Variants in SYN3 observed in about 807,000 individuals in gnomAD.
SYN3 encodes synapsin III.
A neutral mutation model predicts 65.8 loss-of-function variants in SYN3; 35 were observed. That is an observed-to-expected ratio of 0.53 (90% CI 0.41 to 0.70). The LOEUF is 0.70. Ranked by LOEUF, SYN3 falls within the 30% of genes least tolerant of loss-of-function variation. The pLI, the probability that SYN3 is intolerant of heterozygous loss-of-function variation, is 0.00. For missense variants in SYN3, 680 were observed against 749.0 expected, an observed-to-expected ratio of 0.91 and a Z score of 1.08; for synonymous variants, 270 against 292.9, an observed-to-expected ratio of 0.92 and a Z score of 0.80.
At chr22:32,545,581 C>T (rs562787104) in intron 7 of SYN3, among the ~76,000 whole-genome samples, 1 of 152,022 alleles carries the variant, frequency 6.6e-6, no homozygotes, top group Non-Finnish European at 1.5e-5. Flanking sequence ...TTTTTTGAGA[C>T]AGTCTCACTT....
rs550581244 is a variant in SYN3 at position 32,814,052 on chromosome 22, T to C, written c.711+50863A>G. On this transcript the variant is annotated intron_variant, in intron 6 of 13. Coordinates refer to ENST00000358763, the MANE Select transcript of SYN3 (RefSeq NM_003490.4). ...TAGTAGGCATTCAATAAAAGTATCA[T>C]GAATGAATAAGAACATTTGAGAAAG... Among the ~76,000 whole-genome samples, 3 of 149,630 alleles carry C rather than the reference T, an allele frequency of 2.0e-5. No homozygotes were observed. In the South Asian group the frequency reaches 6.3e-4, roughly 31 times the overall value.
At chr22:32,703,704 G>C (rs1315412268) in intron 6 of SYN3, among the ~76,000 whole-genome samples, 1 of 151,078 alleles carries the variant, frequency 6.6e-6, no homozygotes, top group Non-Finnish European at 1.5e-5. Context: ...AGGGGAAAAA[G>C]AGAAGAAAAC....
At chr22:32,741,758 G>A (rs1311129112) in intron 6 of SYN3, among the ~76,000 whole-genome samples, 1 of 152,048 alleles carries the variant, frequency 6.6e-6, no homozygotes, top group Non-Finnish European at 1.5e-5. Flanking sequence ...CGAAATTAGT[G>A]GGAGACAGTG....
At position 32,734,715 on chromosome 22, in the gene SYN3, T is replaced by C. The variant is rs142126119; in HGVS notation, c.711+130200A>G. Among the ~76,000 whole-genome samples, 587 of 152,274 alleles carry C rather than the reference T, an allele frequency of 3.9e-3. 2 individuals are homozygous for C. The highest frequency in any genetic ancestry group is 6.8e-3 in the Middle Eastern group (2 of 294). On this transcript the variant is annotated intron_variant, in intron 6 of 13. Coordinates refer to ENST00000358763, the MANE Select transcript of SYN3 (RefSeq NM_003490.4). The stretch of plus-strand genomic sequence containing the variant: ...TGCTGATTCTAGGACATTCCTGGGT[T>C]TATTTGTGCCTCTGGATTCCACAGG...
intron 4 of SYN3, among the ~76,000 whole-genome samples, chr22:32,887,983 A>G (rs2049340821): frequency 1.3e-5 from 2 of 152,152 alleles, no homozygotes; most frequent in African/African-American, 4.8e-5. Flanking sequence ...TAGGAAAGTT[A>G]GTTATTCCAC....
At chr22:32,585,930 ACGT>A (rs2059019383) in intron 7 of SYN3, among the ~76,000 whole-genome samples, 2 of 54,578 alleles carry the variant, frequency 3.7e-5, no homozygotes, top group Non-Finnish European at 7.1e-5. Context: ...ATGTGTATAT[ACGT>A]ATATGTGTAT....
intron 6 of SYN3, among the ~76,000 whole-genome samples, chr22:32,604,611 A>ACACTCTTTTCTAGGCC (rs1555907203): frequency 3.3e-5 from 5 of 151,836 alleles, no homozygotes; most frequent in African/African-American, 7.3e-5. Context: ...TCTGTCCCTG[A>ACACTCTTTTCTAGGCC]AAAGCCCTCC....
At chr22:32,792,646 G>A (rs1026232019) in intron 6 of SYN3, among the ~76,000 whole-genome samples, 2 of 152,158 alleles carry the variant, frequency 1.3e-5, no homozygotes, top group African/African-American at 4.8e-5. Context: ...TGCCTGCCAA[G>A]TCACTTCTCC....
chr22:32,855,743 G>C (rs1432009580), intron 6 of SYN3, among the ~76,000 whole-genome samples: 1 of 152,114 alleles, frequency 6.6e-6, no homozygotes, highest in Non-Finnish European at 1.5e-5. Context: ...TCTACGAACT[G>C]TTGTGACAAC....
chr22:32,773,970 A>T (rs2045841295), intron 6 of SYN3, among the ~76,000 whole-genome samples: 1 of 152,128 alleles, frequency 6.6e-6, no homozygotes. Flanking sequence ...GGGCTGGTAG[A>T]AGCAAAGGAA....
chr22:32,715,751 C>A (rs993406634), intron 6 of SYN3, among the ~76,000 whole-genome samples: 10 of 143,824 alleles, frequency 7.0e-5, no homozygotes, highest in Non-Finnish European at 3.0e-5. Context: ...TGCACTCCTG[C>A]CTGGGTGACA....
At chr22:32,769,684 A>G (rs916133810) in intron 6 of SYN3, among the ~76,000 whole-genome samples, 1 of 151,824 alleles carries the variant, frequency 6.6e-6, no homozygotes, top group Non-Finnish European at 1.5e-5. Context: ...TGTCCAGATA[A>G]ATTTGTATTT....
Position 32,636,302 on chromosome 22 carries a change from C to G in SYN3, c.712-39566G>C, listed in dbSNP as rs570388833. The stretch of plus-strand genomic sequence containing the variant: ...CTGTAGTCCCAGCTACTCTGGAAGC[C>G]GAGGCAGGAGAATGGCGTGAACCCG... On this transcript the variant is annotated intron_variant, in intron 6 of 13. Transcript: ENST00000358763. 4.0e-5 allele frequency among the ~76,000 whole-genome samples: 6 copies of G among 151,044 alleles called. No individual in the cohort carries two copies. The South Asian group carries it at 1.3e-3, about 32-fold the overall frequency.
At position 32,586,375 on chromosome 22, in the gene SYN3, C is replaced by A. The variant is rs557245036; in HGVS notation, c.774+10299G>T. Among the ~76,000 whole-genome samples, 271 of 152,228 alleles carry A rather than the reference C, an allele frequency of 1.8e-3. 1 individual carries two copies. The highest frequency in any genetic ancestry group is 6.2e-3 in the African/African-American group (259 of 41,538). On this transcript the variant is annotated intron_variant, in intron 7 of 13. Coordinates refer to ENST00000358763, the MANE Select transcript of SYN3 (RefSeq NM_003490.4). Reference sequence around the variant, plus strand: ...TGTTATGTGTGTTTCTGCTGAAAGACATTTTAATATATATTGTTGATTCAT... The same window carrying A: ...TGTTATGTGTGTTTCTGCTGAAAGAAATTTTAATATATATTGTTGATTCAT...
intron 6 of SYN3, among the ~76,000 whole-genome samples, chr22:32,763,943 C>CTTTTT (rs2045556206): frequency 8.9e-6 from 1 of 112,666 alleles, no homozygotes; most frequent in Non-Finnish European, 1.8e-5. Flanking sequence ...GCCCCCCCCC[C>CTTTTT]CTTTTTTTTT....
At chr22:32,831,674 C>A (rs1002807490) in intron 6 of SYN3, among the ~76,000 whole-genome samples, 1 of 152,190 alleles carries the variant, frequency 6.6e-6, no homozygotes, top group East Asian at 1.9e-4. Flanking sequence ...AGAGCCAGAG[C>A]AAAAGACCTT....
At chr22:32,994,459 C>G (rs763886874) in intron 2 of SYN3, among the ~76,000 whole-genome samples, 2 of 152,168 alleles carry the variant, frequency 1.3e-5, no homozygotes, top group Non-Finnish European at 2.9e-5. Context: ...CCCTTCCTAT[C>G]TCCACCCCCA....
intron 6 of SYN3, among the ~76,000 whole-genome samples, chr22:32,779,974 A>G (rs936281287): frequency 2.6e-5 from 4 of 151,610 alleles, no homozygotes; most frequent in African/African-American, 4.9e-5. Flanking sequence ...AGGCCTTGCC[A>G]AGGCCCACAG....
At chr22:32,810,475 C>A (rs921941066) in intron 6 of SYN3, among the ~76,000 whole-genome samples, 1 of 148,832 alleles carries the variant, frequency 6.7e-6, no homozygotes, top group Non-Finnish European at 1.5e-5. Flanking sequence ...CCTCAGAGAG[C>A]CCAAGGTAAA....
Sources: allele counts gnomAD v4.1 joint callset (sites outside exome capture counted in the v4.1 genomes callset), GRCh38; gene constraint gnomAD v4.1.1; transcripts MANE v1.5; gene names NCBI Gene and HGNC (gene_info 2026-07-23, HGNC 2026-07-21).